STK33: variants seen among roughly 807,000 people sequenced by gnomAD.
The protein encoded by STK33 is serine/threonine-protein kinase 33.
Under a neutral mutation model 58.0 loss-of-function variants are expected in STK33, and 52 were observed. The observed-to-expected ratio is 0.90, with a 90% confidence interval of 0.72 to 1.13. The LOEUF (loss-of-function observed/expected upper bound fraction) is 1.13, where lower values mean the gene tolerates loss of function less well. Ranked by LOEUF, STK33 falls within the 50% of genes most tolerant of loss-of-function variation. STK33 has a pLI of 0.00. For synonymous variants in STK33, 215 were observed against 200.1 expected (o/e 1.07, Z -0.63); for missense variants, 630 against 604.2 (o/e 1.04, Z -0.45).
At chr11:8,442,970 G>A (rs1229844793) in intron 11 of STK33, among the ~76,000 whole-genome samples, 2 of 152,162 alleles carry the variant, frequency 1.3e-5, no homozygotes, top group Non-Finnish European at 2.9e-5. Context: ...TTGACTGAAA[G>A]GGACACAAAG....
At chr11:8,355,897 T>A in the STK33 span, among the ~76,000 whole-genome samples, 1 of 152,204 alleles carries the variant, frequency 6.6e-6, no homozygotes, top group South Asian at 2.1e-4. Context: ...ACAGTTGGCA[T>A]GCAACAAACA....
chr11:8,499,736 A>G (rs1201304411), intron 1 of STK33, among the ~76,000 whole-genome samples: 1 of 152,218 alleles, frequency 6.6e-6, no homozygotes, highest in Non-Finnish European at 1.5e-5. Flanking sequence ...AATACTATGC[A>G]GCCATAAAAA....
intron 1 of STK33, among the ~76,000 whole-genome samples, chr11:8,576,893 A>T (rs953569770): frequency 2.6e-5 from 4 of 152,194 alleles, no homozygotes; most frequent in African/African-American, 9.6e-5. Flanking sequence ...AGACTACTGG[A>T]TGACTTTAAA....
chr11:8,579,769 G>A lies in STK33; in HGVS notation c.-466+14314C>T, dbSNP rs569255554. Reference sequence around the variant, plus strand: ...TCTTACTTATACAACCTAAAACCCCGTTTACATCTAATAATCTGATTTTTA... The same window carrying A: ...TCTTACTTATACAACCTAAAACCCCATTTACATCTAATAATCTGATTTTTA... On this transcript the variant is annotated intron_variant, in intron 1 of 15. Coordinates refer to ENST00000687296, the MANE Select transcript of STK33 (RefSeq NM_001352389.2). Among the ~76,000 whole-genome samples the A allele has an allele frequency of 3.9e-5, 6 of 151,908 alleles. No individual in the cohort carries two copies. In the South Asian group the frequency reaches 8.3e-4, roughly 21 times the overall value.
intron 11 of STK33, among the ~76,000 whole-genome samples, chr11:8,452,033 T>C (rs1946344900): frequency 6.6e-6 from 1 of 152,084 alleles, no homozygotes; most frequent in Admixed American, 6.6e-5. Flanking sequence ...CAAAAACCTG[T>C]CTCTACTAAA....
chr11:8,536,972 A>AACTTT (rs1565305538), intron 1 of STK33, among the ~76,000 whole-genome samples: 1 of 65,734 alleles, frequency 1.5e-5, no homozygotes, highest in African/African-American at 6.8e-5. Context: ...AAAAAAAAAG[A>AACTTT]TTTTTTTTTT....
intron 1 of STK33, among the ~76,000 whole-genome samples, chr11:8,506,149 CTT>C (rs1402170736): frequency 6.6e-6 from 1 of 152,168 alleles, no homozygotes; most frequent in African/African-American, 2.4e-5. Context: ...AAATTCAACT[CTT>C]GTCCTAAAAT....
At chr11:8,496,086 T>C (rs1402526653) in intron 1 of STK33, among the ~76,000 whole-genome samples, 5 of 151,484 alleles carry the variant, frequency 3.3e-5, no homozygotes, top group African/African-American at 1.2e-4. Context: ...ACCCTAGAAC[T>C]TAAAGTATAA....
At chr11:8,454,344 G>A (rs1946607804) in intron 10 of STK33, among the ~76,000 whole-genome samples, 1 of 152,020 alleles carries the variant, frequency 6.6e-6, no homozygotes, top group African/African-American at 2.4e-5. Context: ...TAATACACAG[G>A]AAAATTTTCA....
At chr11:8,350,368 C>T in the STK33 span, among the ~76,000 whole-genome samples, 5 of 152,130 alleles carry the variant, frequency 3.3e-5, no homozygotes, top group African/African-American at 7.2e-5. Context: ...AAAGTGCACC[C>T]GAGGTGGAGA....
At chr11:8,568,884 T>C (rs1957618996) in intron 1 of STK33, among the ~76,000 whole-genome samples, 1 of 152,162 alleles carries the variant, frequency 6.6e-6, no homozygotes, top group Non-Finnish European at 1.5e-5. Flanking sequence ...ACAGTAACAA[T>C]TCAGTTCCAC....
Position 8,457,458 on chromosome 11 carries a change from G to A in STK33, c.580C>T (p.Leu194Phe). 1 of 1,598,732 alleles carries A rather than the reference G, an allele frequency of 6.3e-7. No homozygotes were observed. The highest frequency in any genetic ancestry group is 1.1e-5 in the South Asian group (1 of 88,864). ...TPKKMYLVME[L>F]CEDGELKEIL... is the part of the protein sequence containing the mutation. Reference sequence around the variant, plus strand: ...TCTTTGAGTTCTCCATCCTCACAAAGCTCCATCACAAGGTACATTTTCTGA... The same window carrying A: ...TCTTTGAGTTCTCCATCCTCACAAAACTCCATCACAAGGTACATTTTCTGA... The change falls in exon 9 of 16, where the codon CTT becomes TTT. Residue 194 changes from leucine to phenylalanine, a missense_variant. Leu to Phe is a conservative substitution (Grantham distance 22). Coordinates refer to ENST00000687296, the MANE Select transcript of STK33 (RefSeq NM_001352389.2).
In STK33 at chr11:8,395,132, T is replaced by TA. The variant is rs375261942; in HGVS notation, c.1345-2423dup. ...AAACAGTCTAATAATGGCAATTTCC[T>TA]ATGGTTCAATCTAATTCATTGATGC... On this transcript the variant is annotated intron_variant, in intron 15 of 15. Transcript: ENST00000687296. Among the ~76,000 whole-genome samples, 62 of 152,334 alleles carry TA rather than the reference T, an allele frequency of 4.1e-4. No individual in the cohort carries two copies. The East Asian group carries it at 0.012, about 29-fold the overall frequency.
chr11:8,414,520 A>G (rs2135690845), intron 14 of STK33, among the ~76,000 whole-genome samples: 1 of 152,292 alleles, frequency 6.6e-6, no homozygotes, highest in East Asian at 1.9e-4. Context: ...TTACCCTGGT[A>G]TATGGATGTA....
intron 15 of STK33, among the ~76,000 whole-genome samples, chr11:8,397,160 C>G (rs1849505783): frequency 6.6e-6 from 1 of 152,210 alleles, no homozygotes; most frequent in South Asian, 2.1e-4. Flanking sequence ...GGACAGACTG[C>G]CTCCTCAAGT....
At chr11:8,534,589 T>C (rs1261689472) in intron 1 of STK33, among the ~76,000 whole-genome samples, 1 of 151,510 alleles carries the variant, frequency 6.6e-6, no homozygotes, top group Non-Finnish European at 1.5e-5. Context: ...TGTGTGTGTG[T>C]GTGTGTGTGT....
At position 8,435,527 on chromosome 11, in the gene STK33, T is replaced by G; in HGVS notation, c.1113A>C (p.Thr371=). ...ACTGGTTATCTAGTAGTTCCTTAGC[T>G]GTGATTCTGTGAGCAGGATCTACTT... ...LMKVDPAHRI[T]AKELLDNQWL... is the part of the protein sequence containing the mutation. The change falls in exon 14 of 16, where the codon ACA becomes ACC. Residue 371 remains threonine (T), a synonymous_variant. Transcript: ENST00000687296. 1 of 1,522,430 alleles carries G rather than the reference T, an allele frequency of 6.6e-7. No homozygotes were observed. The highest frequency in any genetic ancestry group is 8.9e-7 in the Non-Finnish European group (1 of 1,126,018). 94.3% of individuals were successfully genotyped at this position (1,522,430 alleles called of 1,614,324 possible).
At chr11:8,422,811 A>G (rs888171359) in intron 14 of STK33, among the ~76,000 whole-genome samples, 1 of 151,792 alleles carries the variant, frequency 6.6e-6, no homozygotes, top group Non-Finnish European at 1.5e-5. Flanking sequence ...TTCCATATGT[A>G]AGATTTTTTT....
chr11:8,393,273 T>C (rs1404825008), intron 15 of STK33, among the ~76,000 whole-genome samples: 2 of 152,158 alleles, frequency 1.3e-5, no homozygotes, highest in Admixed American at 6.5e-5. Flanking sequence ...TATTTGCACA[T>C]TTGCCACAAG....
Sources: allele counts gnomAD v4.1 joint callset (sites outside exome capture counted in the v4.1 genomes callset), GRCh38; gene constraint gnomAD v4.1.1; transcripts MANE v1.5; gene names NCBI Gene and HGNC (gene_info 2026-07-23, HGNC 2026-07-21).